ZFHX3: variants seen among roughly 807,000 people sequenced by gnomAD.
The protein encoded by ZFHX3 is zinc finger homeobox 3.
ZFHX3 carries 42 observed loss-of-function variants against 279.1 expected under a neutral mutation model. The observed-to-expected ratio is 0.15, with a 90% confidence interval of 0.12 to 0.19. ZFHX3 has a LOEUF of 0.19. Among genes scored for constraint, ZFHX3 ranks in the 10% least tolerant of loss-of-function variants. ZFHX3 has a pLI of 1.00. For missense variants in ZFHX3, 4,981 were observed against 4,754.0 expected, an observed-to-expected ratio of 1.05 and a Z score of -1.40; for synonymous variants, 2,293 against 1,957.8, an observed-to-expected ratio of 1.17 and a Z score of -4.52.
chr16:72,856,157 G>T (rs527344647), intron 4 of ZFHX3, among the ~76,000 whole-genome samples: 1 of 152,212 alleles, frequency 6.6e-6, no homozygotes, highest in Non-Finnish European at 1.5e-5. Flanking sequence ...CTGCTATGAA[G>T]GGGGGAAAGA....
At chr16:72,883,917 G>A (rs957983191) in intron 4 of ZFHX3, among the ~76,000 whole-genome samples, 4 of 152,138 alleles carry the variant, frequency 2.6e-5, no homozygotes, top group African/African-American at 7.2e-5. Flanking sequence ...GAGCGTGGGT[G>A]TGCTGATTTT....
At chr16:73,103,271 A>C (rs1030551168) in intron 7 of ZFHX3, among the ~76,000 whole-genome samples, 3 of 152,086 alleles carry the variant, frequency 2.0e-5, no homozygotes, top group African/African-American at 7.2e-5. Flanking sequence ...CTACTGGATA[A>C]GGCTTAAAAT....
At chr16:72,811,032 A>G (rs1278999395) in intron 7 of ZFHX3, among the ~76,000 whole-genome samples, 1 of 152,072 alleles carries the variant, frequency 6.6e-6, no homozygotes, top group Non-Finnish European at 1.5e-5. Flanking sequence ...AGGTGCATGC[A>G]CCACTGTGCC....
intron 2 of ZFHX3, among the ~76,000 whole-genome samples, chr16:73,669,379 C>G (rs1336281542): frequency 6.6e-6 from 1 of 152,156 alleles, no homozygotes; most frequent in South Asian, 2.1e-4. Flanking sequence ...TAATGTGGAT[C>G]TGGTTTAACT....
intron 1 of ZFHX3, among the ~76,000 whole-genome samples, chr16:73,868,688 T>A (rs907256223): frequency 6.6e-5 from 10 of 152,176 alleles, no homozygotes; most frequent in Non-Finnish European, 1.5e-5. Context: ...AACCTAAGCA[T>A]ATTAACTGAA....
At chr16:72,898,315 G>C (rs753490665) in intron 3 of ZFHX3, among the ~76,000 whole-genome samples, 12 of 152,132 alleles carry the variant, frequency 7.9e-5, no homozygotes, top group Admixed American at 2.0e-4. Flanking sequence ...ATCCATTTGG[G>C]TTGCTCTGAC....
intron 5 of ZFHX3, among the ~76,000 whole-genome samples, chr16:73,235,607 A>G (rs1407934693): frequency 1.3e-5 from 2 of 152,030 alleles, no homozygotes; most frequent in African/African-American, 2.4e-5. Context: ...AAGTTGTGCC[A>G]TGTGTTGCCT....
chr16:73,035,721 A>G (rs1205720635), intron 1 of ZFHX3, among the ~76,000 whole-genome samples: 1 of 152,182 alleles, frequency 6.6e-6, no homozygotes, highest in Non-Finnish European at 1.5e-5. Flanking sequence ...CCCCGTCTCT[A>G]CTAAAAATAC....
intron 3 of ZFHX3, among the ~76,000 whole-genome samples, chr16:73,388,502 G>A (rs904742235): frequency 6.6e-6 from 1 of 152,148 alleles, no homozygotes; most frequent in Non-Finnish European, 1.5e-5. Context: ...AGCCGCTTTT[G>A]AAATATCCTG....
At chr16:73,599,068 ACTAT>A (rs1567529588) in intron 2 of ZFHX3, among the ~76,000 whole-genome samples, 1 of 152,156 alleles carries the variant, frequency 6.6e-6, no homozygotes, top group Non-Finnish European at 1.5e-5. Flanking sequence ...GCCTTTGAAT[ACTAT>A]CTTAAAGAGA....
At chr16:72,989,848 A>T (rs889687304) in intron 1 of ZFHX3, among the ~76,000 whole-genome samples, 3 of 152,206 alleles carry the variant, frequency 2.0e-5, no homozygotes, top group African/African-American at 7.2e-5. Flanking sequence ...TATGTGGGGA[A>T]GTGGTGTTAG....
rs577081904 is a variant in ZFHX3 at position 73,362,420 on chromosome 16, C to G, written c.-1290-44084G>C. Among the ~76,000 whole-genome samples the G allele has an allele frequency of 7.9e-5, 12 of 152,274 alleles. No individual in the cohort carries two copies. In the South Asian group the frequency reaches 2.5e-3, roughly 32 times the overall value. ...AGGCCAGAGGAACAGTTGAGAGTGT[C>G]TCTATCTAATTCACACCTTGGCACC... On this transcript the variant is annotated intron_variant, in intron 3 of 17. Coordinates refer to the ZFHX3 transcript ENST00000641206.
chr16:73,561,086 A>G (rs111804831), intron 2 of ZFHX3, among the ~76,000 whole-genome samples: 2,079 of 152,334 alleles, frequency 0.014, 55 homozygotes, highest in African/African-American at 0.048. Flanking sequence ...TCTACTGAAA[A>G]GAAATTATTT....
intron 7 of ZFHX3, among the ~76,000 whole-genome samples, chr16:73,116,784 G>T (rs1966437384): frequency 6.6e-6 from 1 of 152,090 alleles, no homozygotes; most frequent in Non-Finnish European, 1.5e-5. Flanking sequence ...GGTACTGCAG[G>T]GCTGGAAAAA....
chr16:72,936,687 G>A (rs1227697409), intron 3 of ZFHX3, among the ~76,000 whole-genome samples: 1 of 152,188 alleles, frequency 6.6e-6, no homozygotes, highest in Admixed American at 6.5e-5. Context: ...GTAAAATGAG[G>A]TCAGCATGGT....
Position 72,796,347 on chromosome 16 carries a change from G to C in ZFHX3, c.6335C>G (p.Ala2112Gly). Residue 2112 changes from alanine (A) to glycine (G), a missense_variant, in exon 9 of 10, where the codon GCT becomes GGT. Transcript: ENST00000268489. Reference protein sequence around the residue: ...MQTMPLQTLPAQLPPQLGPVE... With the variant: ...MQTMPLQTLPGQLPPQLGPVE... Reference sequence around the variant, plus strand: ...AGGTCCCAGCTGCGGGGGTAGCTGAGCCGGCAAGGTCTGCAGCGGCATCGT... The same window carrying C: ...AGGTCCCAGCTGCGGGGGTAGCTGACCCGGCAAGGTCTGCAGCGGCATCGT... The C allele has an allele frequency of 6.2e-7, 1 of 1,614,044 alleles. No homozygotes were observed. Among genetic ancestry groups the C allele is most frequent in the Non-Finnish European group, 8.5e-7 (1 of 1,180,016 alleles).
chr16:72,798,538 T>C lies in ZFHX3; in HGVS notation c.4144A>G (p.Asn1382Asp), dbSNP rs1258194222. ...TGAGGCCTCTTGGCATGCACTTCATTAAAATGCGTCTGAAGGGCAGCAGAA... is the reference window on the plus strand; with the variant it reads ...TGAGGCCTCTTGGCATGCACTTCATCAAAATGCGTCTGAAGGGCAGCAGAA... ...KTSAALQTHFNEVHAKRPQLP... is the reference protein window; with the variant it reads ...KTSAALQTHFDEVHAKRPQLP... The change falls in exon 9 of 10, where the codon AAT becomes GAT. Residue 1382 changes from asparagine to aspartate, a missense_variant. Around this residue, in one of 7 missense-constraint regions of ZFHX3, gnomAD observed 1,751 missense variants for 1,770.0 expected, o/e 0.99. Coordinates refer to ENST00000268489, the MANE Select transcript of ZFHX3 (RefSeq NM_006885.4). 8 of 1,614,000 alleles carry C rather than the reference T, an allele frequency of 5.0e-6. No individual in the cohort carries two copies. Among genetic ancestry groups the C allele is most frequent in the African/African-American group, 1.3e-5 (1 of 74,896 alleles).
At chr16:73,028,785 C>T (rs1029361980) in intron 1 of ZFHX3, among the ~76,000 whole-genome samples, 1 of 151,962 alleles carries the variant, frequency 6.6e-6, no homozygotes, top group Admixed American at 6.5e-5. Flanking sequence ...CCCACAGCCC[C>T]GGGGCACCCA....
At chr16:72,864,175 C>T (rs1377404065) in intron 4 of ZFHX3, among the ~76,000 whole-genome samples, 1 of 152,110 alleles carries the variant, frequency 6.6e-6, no homozygotes, top group African/African-American at 2.4e-5. Flanking sequence ...TCAACAACCC[C>T]TAGTCACCCA....
Sources: gnomAD v4.1 joint callset for allele counts (sites outside exome capture counted in the v4.1 genomes callset) on GRCh38, gnomAD v4.1.1 for gene constraint, gnomAD v4.1.1 regional missense constraint, MANE v1.5 for transcripts, NCBI Gene and HGNC (gene_info 2026-07-23, HGNC 2026-07-21) for gene names.